Variants in MUC4 observed in about 807,000 individuals in gnomAD.
MUC4 encodes mucin 4, cell surface associated, also known as mucin-4.
Under a neutral mutation model 257.9 loss-of-function variants are expected in MUC4, and 202 were observed. The ratio of observed to expected loss-of-function variants is 0.78; its 90% CI spans 0.70 to 0.88. The LOEUF is 0.88. Ranked by LOEUF, MUC4 falls within the 40% of genes least tolerant of loss-of-function variation. The pLI is 0.00. For synonymous variants in MUC4, 2,351 were observed against 2,757.1 expected (o/e 0.85, Z 4.62); for missense variants, 5,976 against 6,513.7 (o/e 0.92, Z 2.84).
At position 195,763,564 on chromosome 3, in the gene MUC4, G is replaced by A; in HGVS notation, c.14122C>T (p.Leu4708=). The change falls in exon 12 of 25, where the codon CTG becomes TTG. Residue 4708 remains leucine, a synonymous_variant. Transcript: ENST00000463781. ...GAGTTCCCGTCTTGGGCCCCGACCA[G>A]CAGGAAGTCCCCCAGCCCATTGAAG... ...YTFNGLGDFL[L]VGAQDGNSSF... The A allele has an allele frequency of 6.3e-7, 1 of 1,593,418 alleles. No homozygotes were observed. Among genetic ancestry groups the A allele is most frequent in the South Asian group, 1.1e-5 (1 of 87,486 alleles).
chr3:195,774,312 C>G lies in MUC4; in HGVS notation c.12944-7G>C, dbSNP rs1723852032. ...TAGGGGAAGAGGGAAACTCCTGGGC[C>G]AGGACAGAGAAGAGCAGGAAGTCCA... is the stretch of plus-strand genomic sequence containing the variant. On this transcript the variant is annotated splice_polypyrimidine_tract_variant and splice_region_variant and intron_variant, in intron 3 of 24. Transcript: ENST00000463781. The G allele has an allele frequency of 6.5e-7, 1 of 1,535,866 alleles. No individual in the cohort carries two copies. The highest frequency in any genetic ancestry group is 8.7e-7 in the Non-Finnish European group (1 of 1,145,444).
At chr3:195,811,614 G>T in intron 1 of MUC4, 122 bp downstream of exon 1, 8 of 766,308 alleles carry the variant, frequency 1.0e-5, no homozygotes, top group South Asian at 6.6e-5. Context: ...CCTCTTCGCT[G>T]TCTCCCTTTC....
intron 2 of MUC4, among the ~76,000 whole-genome samples, 157 bp from the exon 3 acceptor site, chr3:195,778,612 A>C (rs370818526): frequency 6.6e-6 from 1 of 152,154 alleles, no homozygotes; most frequent in Admixed American, 6.5e-5. Flanking sequence ...GTGCTTTTCG[A>C]TTGCGGCACA....
chr3:195,769,934 AT>A (rs1363944605), intron 6 of MUC4, among the ~76,000 whole-genome samples: 1 of 152,206 alleles, frequency 6.6e-6, no homozygotes, highest in African/African-American at 2.4e-5. Context: ...ATAGCCAGAC[AT>A]TTTTGACTTA....
In MUC4 at chr3:195,781,446, AG is replaced by A; in HGVS notation, c.10133del (p.Pro3378LeufsTer881). The A allele has an allele frequency of 6.5e-7, 1 of 1,535,618 alleles. No homozygotes were observed. Among genetic ancestry groups the A allele is most frequent in the South Asian group, 1.2e-5 (1 of 83,754 alleles). On this transcript the variant is annotated frameshift_variant, in exon 2 of 25. Coordinates refer to ENST00000463781, the MANE Select transcript of MUC4 (RefSeq NM_018406.7). LOFTEE classifies it high-confidence loss of function. Reference protein sequence around the residue: ...SASTGDTTRLPVTDISSASTG... With the variant: ...SASTGDTTRLXVTDISSASTG... ...TGGATGCCGAGGAAATGTCGGTGAC[AG>A]GAAGACGGGTGGTGTCACCTGTGGA... is the stretch of plus-strand genomic sequence containing the variant.
At position 195,778,786 on chromosome 3, in the gene MUC4, C is replaced by G. The variant is rs746239892; in HGVS notation, c.12790+4G>C. On this transcript the variant is annotated splice_donor_region_variant and intron_variant, in intron 2 of 24. Coordinates refer to ENST00000463781, the MANE Select transcript of MUC4 (RefSeq NM_018406.7). ...GACATAAAGGCGAGGCAGTTGGCAGCTACCTGGTGTTTCCATCTTCAGAGG... is the reference window on the plus strand; with the variant it reads ...GACATAAAGGCGAGGCAGTTGGCAGGTACCTGGTGTTTCCATCTTCAGAGG... 6.2e-7 allele frequency: 1 copy of G among 1,606,442 alleles called. No individual in the cohort carries two copies. The highest frequency in any genetic ancestry group is 1.7e-5 in the Admixed American group (1 of 59,358).
chr3:195,768,926 C>T (rs1722202484), intron 7 of MUC4, 96 bp downstream of exon 7: 1 of 1,470,980 alleles, frequency 6.8e-7, no homozygotes, highest in African/African-American at 1.4e-5. Context: ...AGGAGGGTTC[C>T]CGCCTTGCCC....
chr3:195,790,922 A>T lies in MUC4; in HGVS notation c.658T>A (p.Ser220Thr), dbSNP rs1300790735. 3.1e-6 allele frequency: 5 copies of T among 1,613,866 alleles called. No individual in the cohort carries two copies. Among genetic ancestry groups the T allele is most frequent in the Non-Finnish European group, 2.5e-6 (3 of 1,179,868 alleles). ...QTSTLTHRTT[S>T]TPSFSPSVHN... The stretch of plus-strand genomic sequence containing the variant: ...ACACTTGGAGAGAAAGAAGGAGTTG[A>T]AGTGGTTCTGTGTGTTAGGGTGCTG... The change falls in exon 2 of 25, where the codon TCA (serine) becomes ACA (threonine). Residue 220 changes from serine (S) to threonine (T), a missense_variant. Physicochemically the swap from Ser to Thr is moderately conservative, Grantham distance 58. This residue lies in a region of MUC4 where 1,583 missense variants were observed against 1,257.4 expected (regional missense o/e 1.26). Coordinates refer to ENST00000463781, the MANE Select transcript of MUC4 (RefSeq NM_018406.7).
intron 7 of MUC4, among the ~76,000 whole-genome samples, chr3:195,767,632 ACCACCACCATCG>A (rs1721300224): frequency 2.5e-5 from 3 of 120,252 alleles, no homozygotes; most frequent in African/African-American, 9.0e-5. Flanking sequence ...CACCACCATC[ACCACCACCATCG>A]CCACCACCAC....
chr3:195,753,292 G>T, intron 19 of MUC4, 62 bp from the exon 20 acceptor site: 6 of 1,518,226 alleles, frequency 4.0e-6, no homozygotes, highest in Non-Finnish European at 4.5e-6. Flanking sequence ...GGCCCAGCCC[G>T]TGGAAACCCG....
rs1051510521 is a variant in MUC4, at chr3:195,756,854, G to A, written c.15168+293C>T. 2.3e-4 allele frequency among the ~76,000 whole-genome samples: 35 copies of A among 152,026 alleles called. No homozygotes were observed. The South Asian group carries it at 6.4e-3, about 28-fold the overall frequency. ...ATTTTTGTATTTTTAGTAGAGATGG[G>A]GTTTCACCATGTTGGTCAGGATGGT... On this transcript the variant is annotated intron_variant, in intron 18 of 24. Transcript: ENST00000463781.
In MUC4 at chr3:195,789,252, A is replaced by C; in HGVS notation, c.2328T>G (p.Ala776=). The C allele has an allele frequency of 6.2e-7, 1 of 1,613,856 alleles. No homozygotes were observed. The highest frequency in any genetic ancestry group is 8.5e-7 in the Non-Finnish European group (1 of 1,179,850). Reference sequence around the variant, plus strand: ...TTTGTCCAGAGGCCTCTGTGCTCTCAGCCTGGTGGGTATGGGTCATGGCTG... The same window carrying C: ...TTTGTCCAGAGGCCTCTGTGCTCTCCGCCTGGTGGGTATGGGTCATGGCTG... ...TAAAMTHTHQ[A]ESTEASGQTQ... is the part of the protein sequence containing the mutation. Residue 776 remains alanine, a synonymous_variant, in exon 2 of 25, where the codon GCT becomes GCG. Transcript: ENST00000463781.
intron 1 of MUC4, among the ~76,000 whole-genome samples, chr3:195,794,589 C>T (rs759959172): frequency 2.6e-5 from 4 of 152,012 alleles, no homozygotes; most frequent in African/African-American, 7.2e-5. Context: ...GTCGAACTCC[C>T]GGCCTCAAGC....
chr3:195,749,109 A>G (rs745537441), intron 23 of MUC4, 45 bp from the exon 24 acceptor site: 4 of 1,596,482 alleles, frequency 2.5e-6, no homozygotes, highest in Non-Finnish European at 2.6e-6. Context: ...ACCGATGAAC[A>G]CTAAATCAGT....
chr3:195,783,966 G>A lies in MUC4; in HGVS notation c.7614C>T (p.Ser2538=), dbSNP rs1202454790. 3.3e-6 allele frequency: 5 copies of A among 1,523,132 alleles called. 1 individual carries two copies. The Admixed American group carries it at 8.0e-5, about 24-fold the overall frequency. 94.4% of individuals were successfully genotyped at this position (1,523,132 alleles called of 1,614,324 possible). Residue 2538 remains serine, a synonymous_variant, in exon 2 of 25, where the codon TCC becomes TCT. Transcript: ENST00000463781. ...PLPVTNASSL[S]TRHATSLHVT... ...CATGAAGAGAGGTGGCGTGACGTGT[G>A]GATAATGAGGAAGCATTGGTGACAG...
At chr3:195,808,132 T>C (rs1736217811) in intron 1 of MUC4, among the ~76,000 whole-genome samples, 1 of 152,216 alleles carries the variant, frequency 6.6e-6, no homozygotes, top group Non-Finnish European at 1.5e-5. Context: ...GATGAAGGGA[T>C]ATGACCCTGG....
chr3:195,746,830 G>C lies in MUC4; in HGVS notation c.*346C>G, dbSNP rs1247838695. The C allele has an allele frequency of 2.7e-6, 1 of 369,762 alleles. No homozygotes were observed. The highest frequency in any genetic ancestry group is 4.4e-5 in the Admixed American group (1 of 22,918). 22.9% of individuals were successfully genotyped at this position (369,762 alleles called of 1,614,324 possible). On this transcript the variant is annotated 3_prime_UTR_variant, in exon 25 of 25. Coordinates refer to ENST00000463781, the MANE Select transcript of MUC4 (RefSeq NM_018406.7). ...GAGTTAATTTGAAGTAAACCAGAGA[G>C]TTTTGTGTGCAGAAGCATTTTGCTT...
At chr3:195,750,379 T>C (rs1371065589) in intron 23 of MUC4, 1 of 95,382 alleles carries the variant, frequency 1.0e-5, no homozygotes, top group Admixed American at 1.1e-4. Flanking sequence ...GGGAAGGTGC[T>C]GGGGGGTGTT....
intron 7 of MUC4, among the ~76,000 whole-genome samples, chr3:195,767,528 T>A (rs142327536): frequency 1.4e-4 from 4 of 28,144 alleles, no homozygotes; most frequent in African/African-American, 3.3e-4. Context: ...ACCACCACCA[T>A]CGCCACCACC....
Sources: allele counts gnomAD v4.1 joint callset (sites outside exome capture counted in the v4.1 genomes callset), GRCh38; gene constraint gnomAD v4.1.1; regional missense constraint gnomAD v4.1.1; transcripts MANE v1.5; gene names NCBI Gene and HGNC (gene_info 2026-07-23, HGNC 2026-07-21).